Variants in SASH1 observed in about 807,000 individuals in gnomAD.
SASH1 encodes SAM and SH3 domain-containing protein 1.
In SASH1, 44 loss-of-function variants were observed where a neutral mutation model predicts 125.2. That is an observed-to-expected ratio of 0.35 (90% CI 0.28 to 0.45). The LOEUF (loss-of-function observed/expected upper bound fraction) is 0.45. Among genes scored for constraint, SASH1 ranks in the 20% least tolerant of loss-of-function variants. SASH1 has a pLI of 1.00. For missense variants in SASH1, 1,426 were observed against 1,614.5 expected, an observed-to-expected ratio of 0.88 and a Z score of 2.00; for synonymous variants, 639 against 649.1, an observed-to-expected ratio of 0.98 and a Z score of 0.24.
intron 1 of SASH1, 41 bp downstream of exon 1, chr6:148,343,264 C>G (rs778686246): frequency 6.5e-7 from 1 of 1,539,922 alleles, no homozygotes; most frequent in East Asian, 2.5e-5. Flanking sequence ...AAGTACAGTT[C>G]GCAGCAGCCC....
At chr6:148,432,268 C>G (rs777288226) in intron 2 of SASH1, among the ~76,000 whole-genome samples, 1 of 152,176 alleles carries the variant, frequency 6.6e-6, no homozygotes, top group Non-Finnish European at 1.5e-5. Flanking sequence ...AGCCCCCACG[C>G]CTGAGCAATA....
At chr6:148,208,151 C>T in the SASH1 span, among the ~76,000 whole-genome samples, 4 of 152,160 alleles carry the variant, frequency 2.6e-5, no homozygotes, top group Non-Finnish European at 5.9e-5. Context: ...AGGACGGCAA[C>T]ATGATATGGA....
chr6:148,508,894 G>C (rs763901593), intron 8 of SASH1: 2 of 1,256,190 alleles, frequency 1.6e-6, no homozygotes, highest in Non-Finnish European at 2.1e-6. Flanking sequence ...CACTGAATGC[G>C]TTCAATGGGA....
chr6:148,262,579 T>C, the SASH1 span, among the ~76,000 whole-genome samples: 1 of 152,042 alleles, frequency 6.6e-6, no homozygotes, highest in Non-Finnish European at 1.5e-5. Flanking sequence ...GGGAGCAAGT[T>C]GAATAAGAAA....
intron 1 of SASH1, among the ~76,000 whole-genome samples, chr6:148,291,209 A>G (rs898886807): frequency 2.0e-4 from 31 of 152,352 alleles, no homozygotes; most frequent in African/African-American, 6.5e-4. Context: ...GATGAAATCC[A>G]TTAAAAAGGA....
chr6:148,503,323 A>G (rs1233832152), intron 8 of SASH1, among the ~76,000 whole-genome samples: 1 of 152,198 alleles, frequency 6.6e-6, no homozygotes. Flanking sequence ...TAAAAAAAAA[A>G]AGAATGTGTT....
chr6:148,424,211 A>G lies in SASH1; in HGVS notation c.286-15973A>G, dbSNP rs1027733180. Among the ~76,000 whole-genome samples, 7 of 150,006 alleles carry G rather than the reference A, an allele frequency of 4.7e-5. No individual in the cohort carries two copies. The South Asian group carries it at 1.5e-3, about 32-fold the overall frequency. ...TTTTAAAAAATTTTTTTTCTTTTAG[A>G]GACGGTGTCTTGTTCTTCTTCTTTT... On this transcript the variant is annotated intron_variant, in intron 2 of 19. Transcript: ENST00000367467.
intron 1 of SASH1, among the ~76,000 whole-genome samples, chr6:148,311,733 C>G (rs1780336818): frequency 6.6e-6 from 1 of 152,082 alleles, no homozygotes; most frequent in African/African-American, 2.4e-5. Flanking sequence ...GAACCTGGGA[C>G]AGGGAGGTTG....
At chr6:148,347,664 C>T (rs1014471772) in intron 1 of SASH1, among the ~76,000 whole-genome samples, 2 of 152,154 alleles carry the variant, frequency 1.3e-5, no homozygotes, top group Non-Finnish European at 2.9e-5. Context: ...AGAGTTGTGC[C>T]TATCAGCTAA....
At chr6:148,500,014 C>T (rs12201191) in intron 8 of SASH1, among the ~76,000 whole-genome samples, 35,821 of 151,856 alleles carry the variant, frequency 0.24, 4,939 homozygotes, top group Middle Eastern at 0.36. Context: ...CTTCCTGTTC[C>T]TTGAGTTGAG....
intron 1 of SASH1, among the ~76,000 whole-genome samples, chr6:148,323,919 G>C (rs926296251): frequency 6.6e-6 from 1 of 151,968 alleles, no homozygotes; most frequent in African/African-American, 2.4e-5. Context: ...GAGGTCAGGA[G>C]ATCGAGACTA....
At chr6:148,284,530 A>C (rs1779433690) in intron 1 of SASH1, among the ~76,000 whole-genome samples, 1 of 152,220 alleles carries the variant, frequency 6.6e-6, no homozygotes, top group Non-Finnish European at 1.5e-5. Flanking sequence ...CCTAACCTAG[A>C]GGTACCCATT....
Position 148,516,350 on chromosome 6 carries a change from TC to T in SASH1, c.862+1897del, listed in dbSNP as rs551919843. Among the ~76,000 whole-genome samples, 730 of 152,156 alleles carry T rather than the reference TC, an allele frequency of 4.8e-3. 3 individuals are homozygous for T. Among genetic ancestry groups the T allele is most frequent in the South Asian group, 0.013 (64 of 4,822 alleles). On this transcript the variant is annotated intron_variant, in intron 9 of 19. Transcript: ENST00000367467. ...CGCCTGCTTTGGGCTGCCCTCCAAT[TC>T]CCTGCTAAACTGGAACTTCCTCCAA... is the stretch of plus-strand genomic sequence containing the variant.
chr6:148,446,140 A>C (rs1583172055), intron 4 of SASH1, among the ~76,000 whole-genome samples: 3 of 82,080 alleles, frequency 3.7e-5, no homozygotes, highest in Admixed American at 1.9e-4. Context: ...ACGGAGCCTC[A>C]CTCTGTCGCC....
chr6:148,233,311 C>T, the SASH1 span, among the ~76,000 whole-genome samples: 2 of 152,072 alleles, frequency 1.3e-5, no homozygotes, highest in Admixed American at 6.5e-5. Flanking sequence ...CCTTTCAGTA[C>T]TGCAAAGCAC....
rs1329430250 is a variant in SASH1, at chr6:148,544,072, G to A, written c.2602G>A (p.Val868Met). 1.2e-6 allele frequency: 2 copies of A among 1,614,120 alleles called. No homozygotes were observed. Among genetic ancestry groups the A allele is most frequent in the Non-Finnish European group, 1.7e-6 (2 of 1,180,022 alleles). The part of the protein sequence containing the change: ...TEPPPQIVPE[V>M]PQKTTASSTK... ...ACCGCCCCCTCAGATTGTACCTGAAGTGCCACAGAAGACGACCGCCTCTTC... is the reference window on the plus strand; with the variant it reads ...ACCGCCCCCTCAGATTGTACCTGAAATGCCACAGAAGACGACCGCCTCTTC... The change falls in exon 18 of 20, where the codon GTG (valine) becomes ATG (methionine). Residue 868 changes from valine (V) to methionine (M), a missense_variant. Around this residue, in one of 3 missense-constraint regions of SASH1, gnomAD observed 634 missense variants for 694.4 expected, o/e 0.91. Coordinates refer to ENST00000367467, the MANE Select transcript of SASH1 (RefSeq NM_015278.5). This position sits in a 1 kb window ranked among gnomAD's most constrained non-coding sequence, Gnocchi z 6.4.
rs148589285 is a variant in SASH1 at position 148,317,721 on chromosome 6, G to A, written n.74+45344G>A. Among the ~76,000 whole-genome samples the A allele has an allele frequency of 6.9e-4, 105 of 152,154 alleles. 1 individual carries two copies. The highest frequency in any genetic ancestry group is 2.4e-3 in the African/African-American group (99 of 41,510). ...ATTACAGTCGTGAGCCACGGCGCCC[G>A]GCCAAGGAAAAAAATTTTTAATGGG... On this transcript the variant is annotated intron_variant and non_coding_transcript_variant, in intron 1 of 3. Transcript: ENST00000367469.
intron 2 of SASH1, among the ~76,000 whole-genome samples, chr6:148,405,531 T>C (rs918152294): frequency 2.0e-5 from 3 of 152,052 alleles, no homozygotes; most frequent in African/African-American, 7.2e-5. Flanking sequence ...TTTCCATCTG[T>C]TCCTCTGCAC....
At chr6:148,197,805 C>T in the SASH1 span, among the ~76,000 whole-genome samples, 6 of 152,172 alleles carry the variant, frequency 3.9e-5, no homozygotes. Flanking sequence ...TTTCCTCATG[C>T]TGTTCCCCTG....
Sources: gnomAD v4.1 joint callset for allele counts (sites outside exome capture counted in the v4.1 genomes callset) on GRCh38, gnomAD v4.1.1 for gene constraint, gnomAD v4.1.1 regional missense constraint, Gnocchi (gnomAD v3.1) non-coding constraint, MANE v1.5 for transcripts, NCBI Gene and HGNC (gene_info 2026-07-23, HGNC 2026-07-21) for gene names.